Variants in ASTN2 observed in about 807,000 individuals in gnomAD.
ASTN2 encodes astrotactin-2.
ASTN2 carries 54 observed loss-of-function variants against 139.8 expected under a neutral mutation model. That is an observed-to-expected ratio of 0.39 (90% CI 0.31 to 0.48). The LOEUF (loss-of-function observed/expected upper bound fraction) is 0.48. ASTN2 is among the 20% of genes least tolerant of loss of function. The pLI is 0.95. For missense variants in ASTN2, 1,565 were observed against 1,725.1 expected, an observed-to-expected ratio of 0.91 and a Z score of 1.64; for synonymous variants, 756 against 719.5, an observed-to-expected ratio of 1.05 and a Z score of -0.81.
intron 5 of ASTN2, among the ~76,000 whole-genome samples, chr9:117,077,039 G>A (rs539119726): frequency 4.6e-5 from 7 of 152,164 alleles, no homozygotes; most frequent in South Asian, 2.1e-4. Context: ...TTCACTAATC[G>A]CCCGGCTGTT....
intron 19 of ASTN2, among the ~76,000 whole-genome samples, chr9:116,489,184 T>C (rs1445985707): frequency 2.0e-5 from 3 of 152,146 alleles, no homozygotes; most frequent in Non-Finnish European, 2.9e-5. Flanking sequence ...AGAACAATAG[T>C]GTTGGCTCGT....
intron 19 of ASTN2, among the ~76,000 whole-genome samples, chr9:116,544,528 G>GC (rs1254463739): frequency 1.3e-5 from 2 of 152,230 alleles, no homozygotes; most frequent in Non-Finnish European, 2.9e-5. Flanking sequence ...AGGAAAGGAT[G>GC]ATTTGGGTTC....
intron 20 of ASTN2, among the ~76,000 whole-genome samples, chr9:116,449,131 C>A (rs114649956): frequency 6.6e-6 from 1 of 152,116 alleles, no homozygotes; most frequent in Admixed American, 6.6e-5. Context: ...TGTGGCCGGG[C>A]GTGGTGGCTC....
Position 117,005,080 on chromosome 9 carries a change from ATTTTTTTTT to A in ASTN2, c.1591+3003_1591+3011del, listed in dbSNP as rs35759848. Among the ~76,000 whole-genome samples the A allele has an allele frequency of 1.3e-4, 10 of 74,674 alleles. No homozygotes were observed. In the East Asian group the frequency reaches 4.3e-3, roughly 32 times the overall value. The allele number at this position is 74,674 out of a possible 152,430, so 49.0% of individuals were successfully genotyped here. A position where few individuals can be genotyped will look rare whatever the true frequency, so the allele number is the denominator to read the frequency against. ...AATTTGAGTTGTGGACCTGTAGTCG[ATTTTTTTTT>A]TTTTTTTTTTTTTTTGAGACACAGT... On this transcript the variant is annotated intron_variant, in intron 7 of 22. Transcript: ENST00000313400.
At chr9:116,632,491 T>C (rs142728154) in intron 17 of ASTN2, among the ~76,000 whole-genome samples, 135 of 152,068 alleles carry the variant, frequency 8.9e-4, no homozygotes, top group African/African-American at 3.1e-3. Context: ...CTAAGAAAAA[T>C]ACAACCATTT....
intron 13 of ASTN2, among the ~76,000 whole-genome samples, chr9:116,774,217 C>T (rs774651833): frequency 6.6e-6 from 1 of 152,150 alleles, no homozygotes; most frequent in African/African-American, 2.4e-5. Context: ...TGTACTCTCA[C>T]CCTCATTTTC....
At position 116,423,819 on chromosome 9, in the gene ASTN2, G is replaced by A. The variant is rs538834583; in HGVS notation, c.*2032C>T. 2.6e-5 allele frequency among the ~76,000 whole-genome samples: 4 copies of A among 152,092 alleles called. No homozygotes were observed. Among genetic ancestry groups the A allele is most frequent in the East Asian group, 1.9e-4 (1 of 5,188 alleles). On this transcript the variant is annotated 3_prime_UTR_variant, in exon 23 of 23. Transcript: ENST00000313400. ...ATTGAAGTCCTGGGGAAAAAAATGC[G>A]CTCAATATGTAGGTTATCAGGAAGG...
At chr9:116,915,624 C>T (rs1417504852) in intron 10 of ASTN2, among the ~76,000 whole-genome samples, 2 of 152,124 alleles carry the variant, frequency 1.3e-5, no homozygotes, top group Non-Finnish European at 2.9e-5. Context: ...CATGATGAAG[C>T]CTCCATAAAA....
chr9:117,175,517 G>A (rs1026621922), intron 3 of ASTN2, among the ~76,000 whole-genome samples: 1 of 152,106 alleles, frequency 6.6e-6, no homozygotes, highest in African/African-American at 2.4e-5. Flanking sequence ...AGGGAGTCCT[G>A]CCCTTTCTGA....
At chr9:116,733,663 TC>T in intron 13 of ASTN2, 140 bp from the exon 14 acceptor site, 3 of 1,127,452 alleles carry the variant, frequency 2.7e-6, no homozygotes, top group Non-Finnish European at 3.8e-6. Flanking sequence ...GTTTCCTGAA[TC>T]CCAGCTCTGA....
chr9:117,128,909 A>C (rs1016181346), intron 4 of ASTN2, among the ~76,000 whole-genome samples: 1 of 152,218 alleles, frequency 6.6e-6, no homozygotes, highest in African/African-American at 2.4e-5. Flanking sequence ...TGATAAAACT[A>C]TCAGATCTCA....
intron 1 of ASTN2, among the ~76,000 whole-genome samples, chr9:117,354,426 T>C (rs1411176792): frequency 6.6e-6 from 1 of 152,164 alleles, no homozygotes; most frequent in African/African-American, 2.4e-5. Flanking sequence ...CTGAATTGAA[T>C]GCTGCTCACC....
chr9:117,236,501 G>A (rs774001558), intron 2 of ASTN2, among the ~76,000 whole-genome samples: 3 of 152,184 alleles, frequency 2.0e-5, no homozygotes, highest in Non-Finnish European at 4.4e-5. Context: ...CTCAGGGTGG[G>A]ATGTAGGACC....
In ASTN2 at chr9:116,651,520, G is replaced by A. The variant is rs775211598; in HGVS notation, c.3072+8C>T. The A allele has an allele frequency of 1.2e-6, 2 of 1,611,424 alleles. No individual in the cohort carries two copies. Among genetic ancestry groups the A allele is most frequent in the Non-Finnish European group, 1.7e-6 (2 of 1,177,950 alleles). On this transcript the variant is annotated splice_region_variant and intron_variant, in intron 17 of 22. Coordinates refer to ENST00000313400, the MANE Select transcript of ASTN2 (RefSeq NM_001365068.1). ...GTTTGACTGAGTGGCTGGGCCAGGG[G>A]AGCTCACCTCCTTTGTGCCATTGTC...
intron 13 of ASTN2, among the ~76,000 whole-genome samples, chr9:116,764,200 C>G (rs4837837): frequency 0.43 from 65,351 of 152,056 alleles, 14,208 homozygotes; most frequent in South Asian, 0.61. Context: ...CAGATGCTGC[C>G]TGTGTCGCTA....
At chr9:117,248,566 C>A (rs1342366649) in intron 2 of ASTN2, among the ~76,000 whole-genome samples, 1 of 152,124 alleles carries the variant, frequency 6.6e-6, no homozygotes, top group Non-Finnish European at 1.5e-5. Flanking sequence ...GGAATGGAAA[C>A]CATGGTAACT....
rs868035668 is a variant in ASTN2 at position 116,915,567 on chromosome 9, T to G, written c.1890-51834A>C. Among the ~76,000 whole-genome samples, 4 of 152,156 alleles carry G rather than the reference T, an allele frequency of 2.6e-5. No individual in the cohort carries two copies. The South Asian group carries it at 6.2e-4, about 24-fold the overall frequency. On this transcript the variant is annotated intron_variant, in intron 10 of 22. Transcript: ENST00000313400. Reference sequence around the variant, plus strand: ...CTTTCAGCCTCAACTCCCCATTATCTGGGAAGAGAAGAGGAGCTGGAGAGT... The same window carrying G: ...CTTTCAGCCTCAACTCCCCATTATCGGGGAAGAGAAGAGGAGCTGGAGAGT...
At chr9:117,261,154 T>C (rs541354865) in intron 2 of ASTN2, among the ~76,000 whole-genome samples, 1 of 152,206 alleles carries the variant, frequency 6.6e-6, no homozygotes, top group East Asian at 1.9e-4. Context: ...GATCACATGG[T>C]AGTAATAAGA....
At chr9:117,067,752 T>C (rs35201212) in intron 5 of ASTN2, among the ~76,000 whole-genome samples, 20,681 of 79,236 alleles carry the variant, frequency 0.26, 3,419 homozygotes, top group East Asian at 0.51. Context: ...CCTAGGTATT[T>C]TATTCTCTTT....
Sources: gnomAD v4.1 joint callset for allele counts (sites outside exome capture counted in the v4.1 genomes callset) on GRCh38, gnomAD v4.1.1 for gene constraint, MANE v1.5 for transcripts, NCBI Gene and HGNC (gene_info 2026-07-23, HGNC 2026-07-21) for gene names.